SOX5: variants seen among roughly 807,000 people sequenced by gnomAD.
SOX5 encodes the protein SRY-box transcription factor 5, also known as transcription factor SOX-5.
A neutral mutation model predicts 92.0 loss-of-function variants in SOX5; 9 were observed. The observed-to-expected ratio is 0.10, with a 90% CI of 0.06 to 0.17. The LOEUF (loss-of-function observed/expected upper bound fraction) is 0.17. SOX5 is among the 10% of genes least tolerant of loss of function. The pLI is 1.00. For missense variants in SOX5, 642 were observed against 944.5 expected (o/e 0.68, Z 4.20); for synonymous variants, 344 against 336.3 (o/e 1.02, Z -0.25).
chr12:24,222,154 T>A (rs935080158), intron 3 of SOX5, among the ~76,000 whole-genome samples: 7 of 152,172 alleles, frequency 4.6e-5, no homozygotes, highest in Non-Finnish European at 8.8e-5. Flanking sequence ...ACAGCTCCTC[T>A]TTTCCCCCCC....
At chr12:24,076,941 A>T (rs1385409704) in intron 4 of SOX5, among the ~76,000 whole-genome samples, 1 of 152,098 alleles carries the variant, frequency 6.6e-6, no homozygotes, top group Admixed American at 6.6e-5. Context: ...AGATTACAAT[A>T]CTATTATCCA....
At chr12:23,694,521 A>C (rs1181480176) in intron 6 of SOX5, among the ~76,000 whole-genome samples, 1 of 152,104 alleles carries the variant, frequency 6.6e-6, no homozygotes, top group Non-Finnish European at 1.5e-5. Context: ...CAGGGGCTTA[A>C]CCCATTAATC....
intron 4 of SOX5, among the ~76,000 whole-genome samples, chr12:23,751,477 T>C (rs937364398): frequency 1.3e-5 from 2 of 151,888 alleles, no homozygotes; most frequent in South Asian, 4.1e-4. Flanking sequence ...TTACCTGGGA[T>C]CTGATTCCTA....
chr12:24,091,428 ATT>A (rs556198750), intron 4 of SOX5, among the ~76,000 whole-genome samples: 3,065 of 122,616 alleles, frequency 0.025, 48 homozygotes, highest in South Asian at 0.067. Flanking sequence ...AGAGAATGCT[ATT>A]TTTTTTTTTT....
chr12:24,455,996 C>T (rs917372561), intron 1 of SOX5, among the ~76,000 whole-genome samples: 44 of 152,202 alleles, frequency 2.9e-4, no homozygotes, highest in Non-Finnish European at 4.9e-4. Context: ...CATCTCAGTC[C>T]ACTTCCTCCC....
chr12:24,041,562 T>C (rs1236661652), intron 4 of SOX5, among the ~76,000 whole-genome samples: 1 of 152,172 alleles, frequency 6.6e-6, no homozygotes, highest in Non-Finnish European at 1.5e-5. Flanking sequence ...AACCGCTTAC[T>C]TTATTATTTC....
At chr12:23,592,607 CTT>C (rs1222806968) in intron 9 of SOX5, among the ~76,000 whole-genome samples, 1 of 152,052 alleles carries the variant, frequency 6.6e-6, no homozygotes, top group Admixed American at 6.6e-5. Context: ...TATTTAGAAA[CTT>C]TTATTTTTCA....
At chr12:24,378,505 A>G (rs1268073078) in intron 1 of SOX5, among the ~76,000 whole-genome samples, 1 of 152,236 alleles carries the variant, frequency 6.6e-6, no homozygotes, top group Non-Finnish European at 1.5e-5. Context: ...TCACTTGCTC[A>G]AGGGATCTTA....
At chr12:23,680,937 T>C (rs893824100) in intron 6 of SOX5, among the ~76,000 whole-genome samples, 1 of 152,084 alleles carries the variant, frequency 6.6e-6, no homozygotes, top group Non-Finnish European at 1.5e-5. Context: ...CACAAATTCT[T>C]TCACTAAAGA....
At position 23,532,960 on chromosome 12, in the gene SOX5, A is replaced by G. The variant is rs993415747; in HGVS notation, c.*1259T>C. 10 of 175,870 alleles carry G rather than the reference A, an allele frequency of 5.7e-5. No individual in the cohort carries two copies. The highest frequency in any genetic ancestry group is 2.4e-4 in the African/African-American group (10 of 42,300). The allele number at this position is 175,870 out of a possible 1,614,324, so 10.9% of individuals were successfully genotyped here. On this transcript the variant is annotated 3_prime_UTR_variant, in exon 15 of 15. Coordinates refer to ENST00000451604, the MANE Select transcript of SOX5 (RefSeq NM_006940.6). Reference sequence around the variant, plus strand: ...CTAAGTAGCAAACGTTAATGGAACCAACTGACCAGGGAGAAAGGACATCTG... The same window carrying G: ...CTAAGTAGCAAACGTTAATGGAACCGACTGACCAGGGAGAAAGGACATCTG...
intron 4 of SOX5, among the ~76,000 whole-genome samples, chr12:23,988,598 T>C (rs1391997880): frequency 6.6e-6 from 1 of 152,160 alleles, no homozygotes; most frequent in Non-Finnish European, 1.5e-5. Flanking sequence ...CAAGCACTAA[T>C]TAATATGATT....
intron 4 of SOX5, among the ~76,000 whole-genome samples, chr12:24,040,076 C>A (rs1295588627): frequency 1.1e-4 from 16 of 152,092 alleles, no homozygotes; most frequent in Admixed American, 9.2e-4. Context: ...TCAAACAGAT[C>A]AATTTCTTTC....
chr12:23,753,956 G>C (rs2094276370), intron 4 of SOX5, among the ~76,000 whole-genome samples: 1 of 151,780 alleles, frequency 6.6e-6, no homozygotes, highest in African/African-American at 2.4e-5. Context: ...CTGAACAGAA[G>C]AAAGACCTAC....
intron 1 of SOX5, among the ~76,000 whole-genome samples, chr12:24,548,286 T>C (rs1952837307): frequency 1.3e-5 from 2 of 152,170 alleles, no homozygotes; most frequent in South Asian, 4.1e-4. Flanking sequence ...TATGCTACAA[T>C]AGATGCTGAA....
At chr12:23,733,874 C>T (rs1318030196) in intron 6 of SOX5, among the ~76,000 whole-genome samples, 2 of 152,114 alleles carry the variant, frequency 1.3e-5, no homozygotes, top group Non-Finnish European at 2.9e-5. Context: ...GGATTCATAG[C>T]TCCATGAATT....
chr12:24,321,283 AAGATATTG>A (rs1302553941), intron 2 of SOX5, among the ~76,000 whole-genome samples: 3 of 152,226 alleles, frequency 2.0e-5, no homozygotes, highest in African/African-American at 7.2e-5. Context: ...CTGTGCACTT[AAGATATTG>A]TTACCACAAT....
intron 3 of SOX5, among the ~76,000 whole-genome samples, chr12:23,791,745 A>C (rs1021329170): frequency 2.0e-5 from 3 of 152,164 alleles, no homozygotes; most frequent in African/African-American, 4.8e-5. Context: ...GAGACTCAGT[A>C]ACTTCTAAAT....
At chr12:24,047,568 T>G (rs966473978) in intron 4 of SOX5, among the ~76,000 whole-genome samples, 2 of 152,198 alleles carry the variant, frequency 1.3e-5, no homozygotes, top group African/African-American at 4.8e-5. Flanking sequence ...TTACGACATC[T>G]CCTTTATGAA....
chr12:24,233,374 A>G (rs1963809175), intron 3 of SOX5, among the ~76,000 whole-genome samples: 1 of 152,260 alleles, frequency 6.6e-6, no homozygotes, highest in Non-Finnish European at 1.5e-5. Context: ...AAATATAAAG[A>G]AAAATTTACA....
Sources: allele counts gnomAD v4.1 joint callset (sites outside exome capture counted in the v4.1 genomes callset), GRCh38; gene constraint gnomAD v4.1.1; transcripts MANE v1.5; gene names NCBI Gene and HGNC (gene_info 2026-07-23, HGNC 2026-07-21).